The following SPINT4 variants were observed in gnomAD, a reference collection of about 807,000 sequenced individuals.
The protein encoded by SPINT4 is kunitz-type protease inhibitor 4.
In SPINT4, 7 loss-of-function variants were observed where a neutral mutation model predicts 9.4. The observed-to-expected ratio is 0.74, with a 90% CI of 0.42 to 1.40. The LOEUF (loss-of-function observed/expected upper bound fraction) is 1.40. Ranked by LOEUF, SPINT4 falls within the 40% of genes most tolerant of loss-of-function variation. The pLI is 0.01. For missense variants in SPINT4, 105 were observed against 114.4 expected, an observed-to-expected ratio of 0.92 and a Z score of 0.37; for synonymous variants, 36 against 39.9, an observed-to-expected ratio of 0.90 and a Z score of 0.37.
intron 1 of SPINT4, among the ~76,000 whole-genome samples, 186 bp downstream of exon 1, chr20:45,722,668 A>G (rs967261820): frequency 1.3e-5 from 2 of 152,094 alleles, no homozygotes; most frequent in Non-Finnish European, 2.9e-5. Context: ...TTGATGAGAA[A>G]AAACAGAAAT....
At chr20:45,724,562 T>C (rs1984887104) in intron 2 of SPINT4, among the ~76,000 whole-genome samples, 1 of 150,360 alleles carries the variant, frequency 6.7e-6, no homozygotes, top group South Asian at 2.1e-4. Context: ...TCAGGATCAT[T>C]TGCTCATTTT....
chr20:45,725,007 TATATATATATATATATATATCA>T (rs1471636098), intron 2 of SPINT4, among the ~76,000 whole-genome samples: 5 of 113,680 alleles, frequency 4.4e-5, no homozygotes, highest in Non-Finnish European at 8.3e-5. Context: ...TATATATATA[TATATATATATATATATATATCA>T]ATAGATATAT....
At chr20:45,724,159 G>A in intron 2 of SPINT4, 102 bp downstream of exon 2, 1 of 1,258,854 alleles carries the variant, frequency 7.9e-7, no homozygotes. Context: ...CTTGCTTGGA[G>A]TGGGAAGAGG....
chr20:45,722,805 G>A (rs1984830999), intron 1 of SPINT4, among the ~76,000 whole-genome samples: 1 of 152,158 alleles, frequency 6.6e-6, no homozygotes, highest in Non-Finnish European at 1.5e-5. Flanking sequence ...GTATTGGGAT[G>A]AGAGAGAAAG....
In SPINT4 at chr20:45,725,126, A is replaced by C. The variant is rs540424232; in HGVS notation, c.294-503A>C. 8.0e-5 allele frequency among the ~76,000 whole-genome samples: 12 copies of C among 150,660 alleles called. 1 individual carries two copies. In the Middle Eastern group the frequency reaches 0.017, roughly 214 times the overall value. ...AGGTCACATTATTAAATGGCACAGC[A>C]GGGTTTCTAACCAGAGCTGACAGTC... is the stretch of plus-strand genomic sequence containing the variant. On this transcript the variant is annotated intron_variant, in intron 2 of 2. Transcript: ENST00000279058.
chr20:45,725,577 C>T, intron 2 of SPINT4, 52 bp from the exon 3 acceptor site: 1 of 1,610,860 alleles, frequency 6.2e-7, no homozygotes, highest in Non-Finnish European at 8.5e-7. Flanking sequence ...CCAGGGAGAC[C>T]TTCAAAAACC....
intron 2 of SPINT4, among the ~76,000 whole-genome samples, chr20:45,724,560 A>T (rs1001767368): frequency 6.6e-6 from 1 of 150,702 alleles, no homozygotes; most frequent in African/African-American, 2.4e-5. Context: ...TGTCAGGATC[A>T]TTTGCTCATT....
chr20:45,725,229 T>C (rs1447898210), intron 2 of SPINT4, among the ~76,000 whole-genome samples: 1 of 151,300 alleles, frequency 6.6e-6, no homozygotes, highest in Admixed American at 6.6e-5. Flanking sequence ...GAACTCTTCA[T>C]AGCAACTTGC....
chr20:45,723,810 C>T (rs1984858610), intron 1 of SPINT4, 70 bp from the exon 2 acceptor site: 1 of 1,294,774 alleles, frequency 7.7e-7, no homozygotes, highest in Admixed American at 2.7e-5. Context: ...TTTTTAAGGG[C>T]CCATAAAGAC....
At chr20:45,722,675 A>G (rs73908193) in intron 1 of SPINT4, among the ~76,000 whole-genome samples, 193 bp downstream of exon 1, 2,443 of 152,206 alleles carry the variant, frequency 0.016, 69 homozygotes, top group African/African-American at 0.056. Context: ...GAAAAAACAG[A>G]AATGACACAA....
intron 1 of SPINT4, among the ~76,000 whole-genome samples, chr20:45,723,537 A>G (rs1294376132): frequency 6.6e-6 from 1 of 152,080 alleles, no homozygotes; most frequent in African/African-American, 2.4e-5. Flanking sequence ...TGATGTGGGG[A>G]AGCAGGAGGA....
At chr20:45,724,999 T>TATATATATATATATATATATACAC (rs1984905106) in intron 2 of SPINT4, among the ~76,000 whole-genome samples, 1 of 78,414 alleles carries the variant, frequency 1.3e-5, no homozygotes, top group Non-Finnish European at 2.0e-5. Flanking sequence ...AAAAAAAATA[T>TATATATATATATATATATATACAC]ATATATATAT....
At chr20:45,724,963 A>T (rs1264912650) in intron 2 of SPINT4, among the ~76,000 whole-genome samples, 1 of 67,820 alleles carries the variant, frequency 1.5e-5, no homozygotes. Context: ...CTGGGAGACA[A>T]AGTGAGACTC....
Position 45,724,551 on chromosome 20 carries a change from G to C in SPINT4, c.293+494G>C, listed in dbSNP as rs916600886. ...AAAAAAAACCACATTTGGGTGGGCTGTCAGGATCATTTGCTCATTTTGCAG... is the reference window on the plus strand; with the variant it reads ...AAAAAAAACCACATTTGGGTGGGCTCTCAGGATCATTTGCTCATTTTGCAG... On this transcript the variant is annotated intron_variant, in intron 2 of 2. Coordinates refer to ENST00000279058, the MANE Select transcript of SPINT4 (RefSeq NM_178455.3). Among the ~76,000 whole-genome samples, 11 of 149,504 alleles carry C rather than the reference G, an allele frequency of 7.4e-5. No individual in the cohort carries two copies. The Admixed American group carries it at 7.4e-4, about 10-fold the overall frequency.
At position 45,724,531 on chromosome 20, in the gene SPINT4, AAAC is replaced by A. The variant is rs550466312; in HGVS notation, c.293+475_293+477del. ...TCCATCTAAAAAAAAAAAAAAAAAAAAACCACATTTGGGTGGGCTGTCAGGATC... is the reference window on the plus strand; with the variant it reads ...TCCATCTAAAAAAAAAAAAAAAAAAACACATTTGGGTGGGCTGTCAGGATC... On this transcript the variant is annotated intron_variant, in intron 2 of 2. Coordinates refer to ENST00000279058, the MANE Select transcript of SPINT4 (RefSeq NM_178455.3). Among the ~76,000 whole-genome samples, 22 of 137,720 alleles carry A rather than the reference AAAC, an allele frequency of 1.6e-4. No individual in the cohort carries two copies. The East Asian group carries it at 2.4e-3, about 15-fold the overall frequency. The allele number at this position is 137,720 out of a possible 152,430, so 90.3% of individuals were successfully genotyped here.
Position 45,725,698 on chromosome 20 carries a change from G to A in SPINT4, c.*63G>A. On this transcript the variant is annotated 3_prime_UTR_variant, in exon 3 of 3. Transcript: ENST00000279058. ...CGAAATAAAGACACAAGAAAATTCA[G>A]ACTGATTTTGAAATCTTTGTAATAT... 1 of 1,593,516 alleles carries A rather than the reference G, an allele frequency of 6.3e-7. No homozygotes were observed. The highest frequency in any genetic ancestry group is 8.6e-7 in the Non-Finnish European group (1 of 1,161,568).
At chr20:45,722,513 A>G (rs1327787932) in intron 1 of SPINT4, 31 bp downstream of exon 1, 1 of 1,479,774 alleles carries the variant, frequency 6.8e-7, no homozygotes, top group East Asian at 2.3e-5. Context: ...ATAAATCCAA[A>G]GGTCAATTAT....
intron 2 of SPINT4, among the ~76,000 whole-genome samples, chr20:45,724,941 C>A (rs1600981758): frequency 9.2e-6 from 1 of 108,702 alleles, no homozygotes; most frequent in Non-Finnish European, 1.8e-5. Flanking sequence ...GATCATGCCA[C>A]TGCACTCCAG....
intron 2 of SPINT4, among the ~76,000 whole-genome samples, chr20:45,724,995 A>ATATATATATATAGATATATATATACAC (rs1555808982): frequency 5.5e-5 from 2 of 36,424 alleles, no homozygotes; most frequent in Non-Finnish European, 8.6e-5. Flanking sequence ...AAAAAAAAAA[A>ATATATATATATAGATATATATATACAC]ATATATATAT....
Sources: allele counts gnomAD v4.1 joint callset (sites outside exome capture counted in the v4.1 genomes callset), GRCh38; gene constraint gnomAD v4.1.1; transcripts MANE v1.5; gene names NCBI Gene and HGNC (gene_info 2026-07-23, HGNC 2026-07-21).